Variants in AGK observed in about 807,000 individuals in gnomAD.
The protein encoded by AGK is acylglycerol kinase, mitochondrial.
In AGK, 52 loss-of-function variants were observed where a neutral mutation model predicts 66.4. The ratio of observed to expected loss-of-function variants is 0.78; its 90% CI spans 0.63 to 0.99. The LOEUF is 0.99. Among genes scored for constraint, AGK ranks in the 50% least tolerant of loss-of-function variants. AGK has a pLI of 0.00. For synonymous variants in AGK, 182 were observed against 181.1 expected (o/e 1.00, Z -0.04); for missense variants, 451 against 506.6 (o/e 0.89, Z 1.05).
chr7:141,627,220 C>A (rs988704492), intron 9 of AGK, among the ~76,000 whole-genome samples: 2 of 152,148 alleles, frequency 1.3e-5, no homozygotes, highest in African/African-American at 4.8e-5. Flanking sequence ...TAATTTAATT[C>A]TTAGAAAACA....
Position 141,555,493 on chromosome 7 carries a change from A to G in AGK, c.27A>G (p.Arg9=), listed in dbSNP as rs1000771222. 2.5e-6 allele frequency: 4 copies of G among 1,614,118 alleles called. No individual in the cohort carries two copies. The Admixed American group carries it at 6.7e-5, about 27-fold the overall frequency. MTVFFKTL[R]NHWKKTTAGL... is the part of the protein sequence containing the mutation. Reference sequence around the variant, plus strand: ...TGACGGTGTTCTTTAAAACGCTTCGAAATCACTGGAAGAAAACTACAGCTG... The same window carrying G: ...TGACGGTGTTCTTTAAAACGCTTCGGAATCACTGGAAGAAAACTACAGCTG... The change falls in exon 2 of 16, where the codon CGA becomes CGG. Residue 9 remains arginine (R), a synonymous_variant. Coordinates refer to ENST00000649286, the MANE Select transcript of AGK (RefSeq NM_018238.4). This position sits in a 1 kb window ranked among gnomAD's most constrained non-coding sequence, Gnocchi z 4.2.
chr7:141,649,237 GACGTTAGTGTTCTTA>G lies in AGK; in HGVS notation c.976-23_976-9del. ...GCATTAGCCAAATTTTAAGAGTAATGACGTTAGTGTTCTTAACCTTTTTAGAGCAAAGAAGATTTT... is the reference window on the plus strand; with the variant it reads ...GCATTAGCCAAATTTTAAGAGTAATGACCTTTTTAGAGCAAAGAAGATTTT... On this transcript the variant is annotated splice_polypyrimidine_tract_variant and intron_variant, in intron 13 of 15. Coordinates refer to ENST00000649286, the MANE Select transcript of AGK (RefSeq NM_018238.4). 6.4e-7 allele frequency: 1 copy of G among 1,553,514 alleles called. No homozygotes were observed. Among genetic ancestry groups the G allele is most frequent in the Non-Finnish European group, 8.9e-7 (1 of 1,125,372 alleles).
chr7:141,564,647 C>T (rs533259694), intron 2 of AGK, among the ~76,000 whole-genome samples: 13 of 152,292 alleles, frequency 8.5e-5, no homozygotes, highest in Admixed American at 7.2e-4. Flanking sequence ...TGACTCTCCT[C>T]GAAATGCTTC....
intron 5 of AGK, among the ~76,000 whole-genome samples, chr7:141,606,223 A>G (rs564714615): frequency 9.2e-5 from 14 of 152,304 alleles, no homozygotes; most frequent in African/African-American, 3.4e-4. Flanking sequence ...TTCTTCCGCA[A>G]AATAGTCTTT....
chr7:141,556,304 T>G (rs1795209055), intron 2 of AGK, among the ~76,000 whole-genome samples: 2 of 151,994 alleles, frequency 1.3e-5, no homozygotes, highest in Non-Finnish European at 2.9e-5. Context: ...TCCAGCACTA[T>G]GGGAGGCTGA....
At chr7:141,578,534 C>G (rs1795804908) in intron 2 of AGK, among the ~76,000 whole-genome samples, 1 of 151,546 alleles carries the variant, frequency 6.6e-6, no homozygotes, top group Admixed American at 6.6e-5. Flanking sequence ...AGTGTTGGGG[C>G]AGCAAAACTT....
intron 2 of AGK, among the ~76,000 whole-genome samples, chr7:141,591,373 G>C (rs772070078): frequency 6.6e-6 from 1 of 152,072 alleles, no homozygotes; most frequent in East Asian, 1.9e-4. Flanking sequence ...GATTACAGGT[G>C]TGAGCCACTG....
Position 141,649,249 on chromosome 7 carries a change from C to A in AGK, c.976-14C>A, listed in dbSNP as rs1393607367. ...TTTTAAGAGTAATGACGTTAGTGTT[C>A]TTAACCTTTTTAGAGCAAAGAAGAT... is the stretch of plus-strand genomic sequence containing the variant. On this transcript the variant is annotated splice_polypyrimidine_tract_variant and intron_variant, in intron 13 of 15. Coordinates refer to ENST00000649286, the MANE Select transcript of AGK (RefSeq NM_018238.4). 3 of 1,604,978 alleles carry A rather than the reference C, an allele frequency of 1.9e-6. No individual in the cohort carries two copies. Among genetic ancestry groups the A allele is most frequent in the African/African-American group, 1.3e-5 (1 of 74,852 alleles).
intron 9 of AGK, among the ~76,000 whole-genome samples, chr7:141,628,201 C>T (rs1262329245): frequency 6.6e-6 from 1 of 152,096 alleles, no homozygotes; most frequent in Non-Finnish European, 1.5e-5. Context: ...TTAAATGTCT[C>T]TTGTCTCTTT....
rs1796265434 is a variant in AGK, at chr7:141,598,045, A to G, written c.221+1404A>G. Among the ~76,000 whole-genome samples, 1 of 152,194 alleles carries G rather than the reference A, an allele frequency of 6.6e-6. No homozygotes were observed. Among genetic ancestry groups the G allele is most frequent in the Non-Finnish European group, 1.5e-5 (1 of 68,044 alleles). On this transcript the variant is annotated intron_variant, in intron 4 of 15. Transcript: ENST00000649286. The surrounding 1 kb of genome is among the most constrained non-coding windows in gnomAD (Gnocchi z 4.2). ...TTGGGCTGAATTGTAAGTGGTAGGC[A>G]TAATGTTGTCTGGAGTAAAACACAG...
At chr7:141,591,502 G>C (rs1170094434) in intron 2 of AGK, among the ~76,000 whole-genome samples, 1 of 152,122 alleles carries the variant, frequency 6.6e-6, no homozygotes, top group Non-Finnish European at 1.5e-5. Context: ...TTGCAGCCTG[G>C]CTATGGAATC....
intron 1 of AGK, among the ~76,000 whole-genome samples, chr7:141,552,547 T>C (rs1347476568): frequency 1.3e-5 from 2 of 152,208 alleles, no homozygotes; most frequent in Non-Finnish European, 2.9e-5. Context: ...TTTAACAAGT[T>C]CTGCACTAAA....
chr7:141,586,956 G>A (rs116310346), intron 2 of AGK, among the ~76,000 whole-genome samples: 1,873 of 152,194 alleles, frequency 0.012, 46 homozygotes, highest in African/African-American at 0.041. Flanking sequence ...CTATCAACAT[G>A]TAGCTAAGAT....
chr7:141,652,031 G>A (rs1262070206), intron 15 of AGK, among the ~76,000 whole-genome samples: 1 of 152,058 alleles, frequency 6.6e-6, no homozygotes, highest in Non-Finnish European at 1.5e-5. Context: ...GAATTTTTCT[G>A]TATTATGAAA....
intron 2 of AGK, among the ~76,000 whole-genome samples, chr7:141,559,623 A>G (rs950554821): frequency 6.6e-6 from 1 of 151,942 alleles, no homozygotes; most frequent in African/African-American, 2.4e-5. Flanking sequence ...GAATTTTGGG[A>G]TGTTTTTTCT....
chr7:141,612,434 T>C (rs975006978), intron 6 of AGK, among the ~76,000 whole-genome samples: 1 of 152,192 alleles, frequency 6.6e-6, no homozygotes, highest in Non-Finnish European at 1.5e-5. Flanking sequence ...ACAAATTTTT[T>C]GTGTGTATTT....
intron 2 of AGK, among the ~76,000 whole-genome samples, chr7:141,569,911 A>G (rs574005485): frequency 9.2e-5 from 14 of 152,338 alleles, no homozygotes; most frequent in Non-Finnish European, 1.3e-4. Flanking sequence ...TTATACCACA[A>G]TGCTTCAGAG....
chr7:141,642,616 G>A (rs1366046359), intron 13 of AGK, among the ~76,000 whole-genome samples: 2 of 152,124 alleles, frequency 1.3e-5, no homozygotes, highest in Non-Finnish European at 2.9e-5. Flanking sequence ...AATAAAGCAG[G>A]CATTGGCAAA....
At position 141,612,930 on chromosome 7, in the gene AGK, C is replaced by T. The variant is rs150769157; in HGVS notation, c.391-1216C>T. On this transcript the variant is annotated intron_variant, in intron 6 of 15. Coordinates refer to ENST00000649286, the MANE Select transcript of AGK (RefSeq NM_018238.4). Reference sequence around the variant, plus strand: ...TACCTCATTTCTGATTGCCTGTTGTCCCCATTCATTGGTTTTACCAGTGTT... The same window carrying T: ...TACCTCATTTCTGATTGCCTGTTGTTCCCATTCATTGGTTTTACCAGTGTT... Among the ~76,000 whole-genome samples, 43 of 152,238 alleles carry T rather than the reference C, an allele frequency of 2.8e-4. No homozygotes were observed. The East Asian group carries it at 7.7e-3, about 27-fold the overall frequency.
Sources: gnomAD v4.1 joint callset for allele counts (sites outside exome capture counted in the v4.1 genomes callset) on GRCh38, gnomAD v4.1.1 for gene constraint, Gnocchi (gnomAD v3.1) non-coding constraint, MANE v1.5 for transcripts, NCBI Gene and HGNC (gene_info 2026-07-23, HGNC 2026-07-21) for gene names.